The following DUOX2 variants were observed in gnomAD, a reference collection of about 807,000 sequenced individuals.
DUOX2 encodes dual oxidase 2, also known as NADH/NADPH thyroid oxidase p138-tox.
A neutral mutation model predicts 183.3 loss-of-function variants in DUOX2; 185 were observed. The ratio of observed to expected loss-of-function variants is 1.01; its 90% CI spans 0.90 to 1.14. The LOEUF (loss-of-function observed/expected upper bound fraction) is 1.14, where lower values mean the gene tolerates loss of function less well. Ranked by LOEUF, DUOX2 falls within the 50% of genes most tolerant of loss-of-function variation. The pLI is 0.00. For missense variants in DUOX2, 1,999 were observed against 2,022.9 expected (o/e 0.99, Z 0.23); for synonymous variants, 788 against 812.4 (o/e 0.97, Z 0.51).
intron 3 of DUOX2, 41 bp from the exon 4 acceptor site, chr15:45,112,759 C>G (rs770611941): frequency 1.2e-5 from 20 of 1,607,038 alleles, no homozygotes; most frequent in Non-Finnish European, 1.4e-5. Flanking sequence ...AGCACTCCAT[C>G]CCCTAGGATC....
chr15:45,101,429 C>T, intron 21 of DUOX2, 155 bp from the exon 22 acceptor site: 1 of 733,242 alleles, frequency 1.4e-6, no homozygotes, highest in Non-Finnish European at 2.4e-6. Context: ...TCACTGTACA[C>T]AGGGCAGACA....
chr15:45,105,926 C>T, intron 17 of DUOX2, 98 bp from the exon 18 acceptor site: 1 of 1,521,242 alleles, frequency 6.6e-7, no homozygotes, highest in South Asian at 1.2e-5. Context: ...GGAGAGAAAA[C>T]TCCTCCCCAT....
At chr15:45,105,855 G>A (rs757162277) in intron 17 of DUOX2, 27 bp from the exon 18 acceptor site, 119 of 1,613,354 alleles carry the variant, frequency 7.4e-5, no homozygotes, top group Middle Eastern at 1.7e-4. Context: ...CGGCACTGAC[G>A]CAGGGAGCTC....
At position 45,111,648 on chromosome 15, in the gene DUOX2, GC is replaced by G. The variant is rs1394826181; in HGVS notation, c.514-64del. ...CGGCGGCGGGCCAGGGAAGGCCGGGGCCCGGCGGGTGTCCGCGGCTGGGGAG... is the reference window on the plus strand; with the variant it reads ...CGGCGGCGGGCCAGGGAAGGCCGGGGCCGGCGGGTGTCCGCGGCTGGGGAG... On this transcript the variant is annotated intron_variant, in intron 5 of 33. Transcript: ENST00000389039. 2.4e-4 allele frequency: 342 copies of G among 1,453,714 alleles called. 1 individual carries two copies. The highest frequency in any genetic ancestry group is 2.9e-4 in the Non-Finnish European group (327 of 1,116,064). The allele number at this position is 1,453,714 out of a possible 1,614,324, so 90.1% of individuals were successfully genotyped here. A position where few individuals can be genotyped will look rare whatever the true frequency, so the allele number is the denominator to read the frequency against.
intron 12 of DUOX2, 32 bp downstream of exon 12, chr15:45,108,757 T>C (rs1045411084): frequency 6.2e-7 from 1 of 1,612,242 alleles, no homozygotes; most frequent in Non-Finnish European, 8.5e-7. Flanking sequence ...AGGAAAGCTT[T>C]AGCTGCCATT....
intron 32 of DUOX2, 54 bp from the exon 33 acceptor site, chr15:45,094,745 C>G (rs575836804): frequency 2.5e-6 from 4 of 1,609,024 alleles, no homozygotes; most frequent in Middle Eastern, 1.6e-4. Context: ...GCACTCAGCC[C>G]GAGCCAGCCC....
At chr15:45,104,416 T>G (rs761687738) in intron 18 of DUOX2, 51 bp from the exon 19 acceptor site, 1 of 1,588,572 alleles carries the variant, frequency 6.3e-7, no homozygotes, top group Non-Finnish European at 8.6e-7. Context: ...GTGAAGCCTA[T>G]GCTGGAAGCA....
At chr15:45,112,949 A>G (rs1267185266) in intron 3 of DUOX2, 38 bp downstream of exon 3, 2 of 1,607,286 alleles carry the variant, frequency 1.2e-6, no homozygotes, top group Admixed American at 3.3e-5. Flanking sequence ...GCCCTTCGCG[A>G]GCCACGGCCC....
chr15:45,098,118 C>T (rs1566972072), intron 26 of DUOX2, 60 bp from the exon 27 acceptor site: 2 of 1,503,478 alleles, frequency 1.3e-6, no homozygotes, highest in East Asian at 2.3e-5. Flanking sequence ...AGCACTGTCA[C>T]AACACAGCAT....
chr15:45,112,874 T>G, intron 3 of DUOX2, 113 bp downstream of exon 3: 1 of 1,539,470 alleles, frequency 6.5e-7, no homozygotes, highest in South Asian at 1.1e-5. Flanking sequence ...TTGCGCTGTG[T>G]AGGCAGCGGA....
chr15:45,109,212 A>G, intron 11 of DUOX2: 3 of 604,774 alleles, frequency 5.0e-6, no homozygotes. Flanking sequence ...TCCCTGTCCT[A>G]TGCCTCCCTA....
At chr15:45,097,121 G>A (rs1555412662) in intron 29 of DUOX2, 117 bp downstream of exon 29, 2 of 1,493,508 alleles carry the variant, frequency 1.3e-6, no homozygotes, top group Non-Finnish European at 1.8e-6. Flanking sequence ...TGTTGTTGTT[G>A]TTTTTGGAGA....
Position 45,100,962 on chromosome 15 carries a change from A to G in DUOX2, c.2922-124T>C. 4.2e-6 allele frequency: 3 copies of G among 708,380 alleles called. No individual in the cohort carries two copies. The South Asian group carries it at 5.0e-5, about 12-fold the overall frequency. 43.9% of individuals were successfully genotyped at this position (708,380 alleles called of 1,614,324 possible). ...TACCAGGCAGGGGGCAAGGCACAAA[A>G]TGAATTAATAGGATCTCATGATTTG... On this transcript the variant is annotated intron_variant, in intron 22 of 33. Coordinates refer to ENST00000389039, the MANE Select transcript of DUOX2 (RefSeq NM_001363711.2).
chr15:45,104,159 G>C lies in DUOX2; in HGVS notation c.2541C>G (p.Ile847Met), dbSNP rs1894153006. Residue 847 changes from isoleucine (I) to methionine (M), a missense_variant, in exon 19 of 34, where the codon ATC becomes ATG. Physicochemically the swap from Ile to Met is conservative, Grantham distance 10. Coordinates refer to ENST00000389039, the MANE Select transcript of DUOX2 (RefSeq NM_001363711.2). ...GYLSFREFLD[I>M]LVVFMKGSPE... Reference sequence around the variant, plus strand: ...CCCTACCTTTCATGAAGACCACCAGGATGTCCAGGAACTCTCGGAAGGACA... The same window carrying C: ...CCCTACCTTTCATGAAGACCACCAGCATGTCCAGGAACTCTCGGAAGGACA... 6.2e-7 allele frequency: 1 copy of C among 1,614,020 alleles called. No homozygotes were observed.
Position 45,113,418 on chromosome 15 carries a change from C to G in DUOX2, c.-7G>C, listed in dbSNP as rs761520660. 6.4e-7 allele frequency: 1 copy of G among 1,557,922 alleles called. No homozygotes were observed. Among genetic ancestry groups the G allele is most frequent in the Admixed American group, 1.9e-5 (1 of 52,220 alleles). ...CTGGTCTTGCACGGAGCATGCCAAC[C>G]CTGCAGCCTGCGGGGTGAGGGTGGG... On this transcript the variant is annotated 5_prime_UTR_variant, in exon 2 of 34. Coordinates refer to ENST00000389039, the MANE Select transcript of DUOX2 (RefSeq NM_001363711.2).
At chr15:45,108,555 C>T (rs1030524951) in intron 12 of DUOX2, 1 of 634,428 alleles carries the variant, frequency 1.6e-6, no homozygotes, top group East Asian at 2.8e-5. Flanking sequence ...CCAGAAGCCA[C>T]CCTGCAGGAA....
In DUOX2 at chr15:45,101,892, C is replaced by T; in HGVS notation, c.2752G>A (p.Glu918Lys). 6.2e-7 allele frequency: 1 copy of T among 1,614,230 alleles called. No individual in the cohort carries two copies. The highest frequency in any genetic ancestry group is 8.5e-7 in the Non-Finnish European group (1 of 1,180,050). ...FRESGFQDKEELTWEDFHFML... is the reference protein window; with the variant it reads ...FRESGFQDKEKLTWEDFHFML... ...AAGTGAAAATCCTCCCATGTCAGCT[C>T]CTCCTTGTCCTGGAATCCCGACTCC... Residue 918 changes from glutamate to lysine, a missense_variant, in exon 21 of 34, where the codon GAG (glutamate) becomes AAG (lysine). Physicochemically the swap from Glu to Lys is moderately conservative, Grantham distance 56 (BLOSUM62 1). This residue lies in a region of DUOX2 where 1,628 missense variants were observed against 1,608.6 expected (regional missense o/e 1.01). Transcript: ENST00000389039.
In DUOX2 at chr15:45,099,906, G is replaced by A. The variant is rs1277724226; in HGVS notation, c.3185-14C>T. 1.9e-6 allele frequency: 3 copies of A among 1,613,842 alleles called. No individual in the cohort carries two copies. Among genetic ancestry groups the A allele is most frequent in the South Asian group, 1.1e-5 (1 of 91,066 alleles). On this transcript the variant is annotated splice_polypyrimidine_tract_variant and intron_variant, in intron 24 of 33. Transcript: ENST00000389039. The stretch of plus-strand genomic sequence containing the variant: ...CAAAGCCATAGTCTGGGGCCGGAGT[G>A]AGGTTACATCAGCTTGGCACAGGTG...
chr15:45,102,078 A>C, intron 20 of DUOX2, 89 bp from the exon 21 acceptor site: 2 of 1,503,688 alleles, frequency 1.3e-6, no homozygotes, highest in Non-Finnish European at 1.8e-6. Context: ...AGATTATCTA[A>C]TGTGGTTACC....
Sources: allele counts gnomAD v4.1 joint callset, GRCh38; gene constraint gnomAD v4.1.1; regional missense constraint gnomAD v4.1.1; transcripts MANE v1.5; gene names NCBI Gene and HGNC (gene_info 2026-07-23, HGNC 2026-07-21).